The following SNRPD3 variants were observed in gnomAD, a reference collection of about 807,000 sequenced individuals.
The protein encoded by SNRPD3 is small nuclear ribonucleoprotein Sm D3.
For synonymous variants in SNRPD3, 66 were observed against 58.4 expected (o/e 1.13, Z -0.59); for missense variants, 73 against 167.5 (o/e 0.44, Z 3.11).
At chr22:24,569,734 G>A (rs927374476) in intron 3 of SNRPD3, among the ~76,000 whole-genome samples, 12 of 152,178 alleles carry the variant, frequency 7.9e-5, no homozygotes, top group African/African-American at 1.9e-4. Context: ...CCTTGGGTTC[G>A]ATTAATTTGC....
At chr22:24,563,110 G>A (rs1003225266) in intron 2 of SNRPD3, among the ~76,000 whole-genome samples, 4 of 152,056 alleles carry the variant, frequency 2.6e-5, no homozygotes, top group Non-Finnish European at 5.9e-5. Flanking sequence ...GCTCATGCCT[G>A]TAATCCCAGC....
intron 2 of SNRPD3, among the ~76,000 whole-genome samples, chr22:24,562,092 A>G (rs1007307439): frequency 6.6e-6 from 1 of 152,232 alleles, no homozygotes; most frequent in Non-Finnish European, 1.5e-5. Flanking sequence ...TCCTGGACTT[A>G]AGCGATCCTC....
intron 1 of SNRPD3, 147 bp from the exon 2 acceptor site, chr22:24,557,510 G>A: frequency 7.3e-6 from 3 of 410,740 alleles, no homozygotes; most frequent in Non-Finnish European, 1.2e-5. Context: ...CAGGAGCTGA[G>A]CTTTTTTTTT....
intron 2 of SNRPD3, among the ~76,000 whole-genome samples, chr22:24,562,582 T>C (rs1010231714): frequency 6.6e-6 from 1 of 152,096 alleles, no homozygotes; most frequent in Non-Finnish European, 1.5e-5. Flanking sequence ...TGATGGCTTA[T>C]GCCTGTAGTC....
intron 3 of SNRPD3, among the ~76,000 whole-genome samples, chr22:24,570,164 T>C (rs2045236217): frequency 6.6e-6 from 1 of 152,254 alleles, no homozygotes; most frequent in Admixed American, 6.5e-5. Context: ...CTCCAGGGTA[T>C]AGGGCAGGAC....
Position 24,572,177 on chromosome 22 carries a change from C to A in SNRPD3, c.*200C>A. The A allele has an allele frequency of 9.1e-7, 1 of 1,100,158 alleles. No homozygotes were observed. The highest frequency in any genetic ancestry group is 1.4e-5 in the South Asian group (1 of 69,398). 68.1% of individuals were successfully genotyped at this position (1,100,158 alleles called of 1,614,324 possible). On this transcript the variant is annotated 3_prime_UTR_variant, in exon 4 of 4. Coordinates refer to ENST00000215829, the MANE Select transcript of SNRPD3 (RefSeq NM_004175.5). ...TTTGAGAAAATAAGGACTTTGTGTT[C>A]ATTTGAAGTTTGCTTTGGCTAAATT...
intron 2 of SNRPD3, among the ~76,000 whole-genome samples, chr22:24,558,976 C>A (rs1377209937): frequency 6.6e-6 from 1 of 152,156 alleles, no homozygotes; most frequent in East Asian, 1.9e-4. Context: ...CTTAAGACTG[C>A]CACAGGGGTA....
At chr22:24,568,863 TTTTA>T (rs1398405444) in intron 3 of SNRPD3, among the ~76,000 whole-genome samples, 2 of 152,088 alleles carry the variant, frequency 1.3e-5, no homozygotes, top group African/African-American at 4.8e-5. Context: ...CTTATTTTTA[TTTTA>T]TTTATTTATT....
rs1569024539 is a variant in SNRPD3, at chr22:24,560,715, C to CCTTTTTTTTTTTTTTTTTTT, written c.126+2915_126+2916insCTTTTTTTTTTTTTTTTTTT. 3.0e-5 allele frequency among the ~76,000 whole-genome samples: 3 copies of CCTTTTTTTTTTTTTTTTTTT among 98,864 alleles called. 1 individual carries two copies. The highest frequency in any genetic ancestry group is 5.6e-5 in the Non-Finnish European group (3 of 53,526). The allele number at this position is 98,864 out of a possible 152,430, so 64.9% of individuals were successfully genotyped here. A position where few individuals can be genotyped will look rare whatever the true frequency, so the allele number is the denominator to read the frequency against. On this transcript the variant is annotated intron_variant, in intron 2 of 3. Coordinates refer to ENST00000215829, the MANE Select transcript of SNRPD3 (RefSeq NM_004175.5). Reference sequence around the variant, plus strand: ...ACAGGCGTGAGCCACTGCACCTGGCCTTTTTTTTTTTTTTTTTTTTTTTTT... The same window carrying CCTTTTTTTTTTTTTTTTTTT: ...ACAGGCGTGAGCCACTGCACCTGGCCCTTTTTTTTTTTTTTTTTTTTTTTTTTTTTTTTTTTTTTTTTTTT...
At chr22:24,570,815 C>CTTTTTTTT (rs10705174) in intron 3 of SNRPD3, among the ~76,000 whole-genome samples, 2 of 106,668 alleles carry the variant, frequency 1.9e-5, no homozygotes, top group African/African-American at 6.4e-5. Context: ...TGAAATAATT[C>CTTTTTTTT]TTTTTTTTTT....
chr22:24,559,374 A>G (rs1040502468), intron 2 of SNRPD3, among the ~76,000 whole-genome samples: 1 of 152,230 alleles, frequency 6.6e-6, no homozygotes, highest in Non-Finnish European at 1.5e-5. Context: ...GGCTTAAGGC[A>G]TGCTCATCCA....
chr22:24,564,883 C>CT (rs371010665), intron 2 of SNRPD3, among the ~76,000 whole-genome samples: 5,254 of 127,110 alleles, frequency 0.041, 278 homozygotes, highest in Middle Eastern at 0.065. Flanking sequence ...TTGCCTTGTT[C>CT]ATTTTTTTTT....
intron 1 of SNRPD3, among the ~76,000 whole-genome samples, chr22:24,556,334 G>T (rs533201995): frequency 6.6e-6 from 1 of 151,228 alleles, no homozygotes; most frequent in East Asian, 1.9e-4. Flanking sequence ...AGTCATTTCT[G>T]ATTGACTATC....
chr22:24,556,604 C>G (rs1004442496), intron 1 of SNRPD3, among the ~76,000 whole-genome samples: 1 of 152,228 alleles, frequency 6.6e-6, no homozygotes, highest in Admixed American at 6.5e-5. Flanking sequence ...GCAGTTTTAA[C>G]TGTTGCAGAA....
chr22:24,572,428 G>A lies in SNRPD3; in HGVS notation c.*451G>A. On this transcript the variant is annotated 3_prime_UTR_variant, in exon 4 of 4. Transcript: ENST00000215829. The stretch of plus-strand genomic sequence containing the variant: ...CATTTGTGGAGCTGTCATCAGCTCA[G>A]CTTTAACAACACAGGTGACTCTTTC... 2.6e-6 allele frequency: 1 copy of A among 384,358 alleles called. No homozygotes were observed. The allele number at this position is 384,358 out of a possible 1,614,324, so 23.8% of individuals were successfully genotyped here.
At chr22:24,561,067 T>TTTC in intron 2 of SNRPD3, among the ~76,000 whole-genome samples, 1 of 116,502 alleles carries the variant, frequency 8.6e-6, no homozygotes, top group South Asian at 2.9e-4. Flanking sequence ...TTCTTTTCTT[T>TTTC]TTTTTTTTTT....
intron 2 of SNRPD3, among the ~76,000 whole-genome samples, chr22:24,567,545 G>A (rs1448432575): frequency 2.6e-5 from 4 of 152,128 alleles, no homozygotes; most frequent in South Asian, 2.1e-4. Context: ...TCAGGAGTTC[G>A]AGACCAGCCT....
chr22:24,563,560 T>C (rs1440417687), intron 2 of SNRPD3, among the ~76,000 whole-genome samples: 3 of 152,148 alleles, frequency 2.0e-5, no homozygotes, highest in Non-Finnish European at 2.9e-5. Context: ...ATAACAATAC[T>C]CCAAAATATG....
At chr22:24,571,350 C>T (rs113660125) in intron 3 of SNRPD3, among the ~76,000 whole-genome samples, 2 of 152,134 alleles carry the variant, frequency 1.3e-5, no homozygotes, top group Non-Finnish European at 2.9e-5. Context: ...TTGTAGAGAG[C>T]AGTGTGGGAC....
Sources: gnomAD v4.1 joint callset for allele counts (sites outside exome capture counted in the v4.1 genomes callset) on GRCh38, gnomAD v4.1.1 for gene constraint, MANE v1.5 for transcripts, NCBI Gene and HGNC (gene_info 2026-07-23, HGNC 2026-07-21) for gene names.